The following LONP2 variants were observed in gnomAD, a reference collection of about 807,000 sequenced individuals.
LONP2 encodes the protein lon peptidase 2, peroxisomal.
A neutral mutation model predicts 85.6 loss-of-function variants in LONP2; 60 were observed. That is an observed-to-expected ratio of 0.70 (90% confidence interval 0.57 to 0.87). LONP2 has a LOEUF of 0.87. Ranked by LOEUF, LONP2 falls within the 40% of genes least tolerant of loss-of-function variation. The probability of loss-of-function intolerance (pLI) is 0.00; values close to 1 mark genes in which losing one functional copy is unlikely to be tolerated. For synonymous variants in LONP2, 395 were observed against 389.7 expected, an observed-to-expected ratio of 1.01 and a Z score of -0.16; for missense variants, 860 against 1,063.5, an observed-to-expected ratio of 0.81 and a Z score of 2.66.
chr16:48,337,903 T>G (rs1959702078), intron 12 of LONP2, among the ~76,000 whole-genome samples: 2 of 152,154 alleles, frequency 1.3e-5, no homozygotes, highest in Non-Finnish European at 1.5e-5. Flanking sequence ...AACCTCCACC[T>G]CCTGGGCTCC....
intron 11 of LONP2, among the ~76,000 whole-genome samples, chr16:48,306,421 A>G (rs776784417): frequency 2.0e-5 from 3 of 152,234 alleles, no homozygotes; most frequent in African/African-American, 4.8e-5. Context: ...TGTGAGAACT[A>G]CAGTTTTTCA....
rs1479207698 is a variant in LONP2, at chr16:48,296,085, T to G, written c.1454T>G (p.Val485Gly). ...YLNVAFDLSQVLFIATANTTA... is the reference protein window; with the variant it reads ...YLNVAFDLSQGLFIATANTTA... ...AATGTGGCCTTTGACCTTTCTCAAG[T>G]TCTTTTTATAGCTACTGCCAACACC... The change falls in exon 9 of 15, where the codon GTT (valine) becomes GGT (glycine). Residue 485 changes from valine (V) to glycine (G), a missense_variant. Coordinates refer to ENST00000285737, the MANE Select transcript of LONP2 (RefSeq NM_031490.5). The G allele has an allele frequency of 6.2e-7, 1 of 1,614,072 alleles. No individual in the cohort carries two copies. The highest frequency in any genetic ancestry group is 8.5e-7 in the Non-Finnish European group (1 of 1,180,028).
At chr16:48,342,545 C>T (rs1344520080) in intron 12 of LONP2, among the ~76,000 whole-genome samples, 1 of 152,214 alleles carries the variant, frequency 6.6e-6, no homozygotes, top group Non-Finnish European at 1.5e-5. Flanking sequence ...AAAGGCCCTA[C>T]TGGAAGGATT....
chr16:48,357,509 A>G (rs924724267), downstream of LONP2, among the ~76,000 whole-genome samples: 6 of 152,318 alleles, frequency 3.9e-5, no homozygotes, highest in South Asian at 6.2e-4. Flanking sequence ...CAAATACCAC[A>G]GTCCTGCGTG....
chr16:48,270,069 A>G lies in LONP2; in HGVS notation c.1036A>G (p.Met346Val), dbSNP rs1972070959. Residue 346 changes from methionine (M) to valine (V), a missense_variant, in exon 7 of 15, where the codon ATG becomes GTG. Met to Val is a conservative substitution (Grantham distance 21). This residue lies in a region of LONP2 where 743 missense variants were observed against 917.3 expected (regional missense o/e 0.81). Transcript: ENST00000285737. ...RILLDNDHYA[M>V]EKLKKRVLEY... Reference sequence around the variant, plus strand: ...TCTTCTGGATAATGACCATTACGCCATGGAAAAATTGAAGAAAAGAGTACT... The same window carrying G: ...TCTTCTGGATAATGACCATTACGCCGTGGAAAAATTGAAGAAAAGAGTACT... 1 of 1,614,046 alleles carries G rather than the reference A, an allele frequency of 6.2e-7. No homozygotes were observed. Among genetic ancestry groups the G allele is most frequent in the Non-Finnish European group, 8.5e-7 (1 of 1,179,958 alleles).
intron 11 of LONP2, among the ~76,000 whole-genome samples, chr16:48,327,914 G>T (rs1292725015): frequency 1.3e-5 from 2 of 152,142 alleles, no homozygotes; most frequent in African/African-American, 4.8e-5. Flanking sequence ...CATATTTAAT[G>T]TATGTGATTC....
chr16:48,295,612 G>A (rs1379641682), intron 8 of LONP2, among the ~76,000 whole-genome samples: 1 of 152,136 alleles, frequency 6.6e-6, no homozygotes, highest in East Asian at 1.9e-4. Flanking sequence ...CTGGTTCTTT[G>A]AGAATTTCAA....
In LONP2 at chr16:48,317,424, A is replaced by T. The variant is rs1278537900; in HGVS notation, c.1795+14119A>T. Among the ~76,000 whole-genome samples the T allele has an allele frequency of 3.3e-5, 5 of 152,218 alleles. No individual in the cohort carries two copies. In the East Asian group the frequency reaches 9.6e-4, roughly 29 times the overall value. On this transcript the variant is annotated intron_variant, in intron 11 of 14. Coordinates refer to ENST00000285737, the MANE Select transcript of LONP2 (RefSeq NM_031490.5). ...ACTCTGTCAATTCTGAATTATGGTG[A>T]TACTCAATTCTACCTCAAATCCCAA...
At chr16:48,303,045 T>C in intron 10 of LONP2, 127 bp from the exon 11 acceptor site, 1 of 898,184 alleles carries the variant, frequency 1.1e-6, no homozygotes, top group South Asian at 1.8e-5. Flanking sequence ...TGTGGAAAAG[T>C]TAGTACTCAA....
intron 10 of LONP2, among the ~76,000 whole-genome samples, chr16:48,302,431 A>C (rs925139524): frequency 1.3e-5 from 2 of 152,238 alleles, no homozygotes; most frequent in African/African-American, 4.8e-5. Context: ...TCTTCAGATA[A>C]AACTGCATTC....
chr16:48,313,953 A>G (rs557218689), intron 11 of LONP2, among the ~76,000 whole-genome samples: 167 of 152,188 alleles, frequency 1.1e-3, no homozygotes, highest in African/African-American at 3.7e-3. Flanking sequence ...ATTCTTCACA[A>G]CCTCGCCAGC....
chr16:48,264,712 C>T (rs988060160), intron 6 of LONP2, among the ~76,000 whole-genome samples: 7 of 152,066 alleles, frequency 4.6e-5, no homozygotes, highest in Non-Finnish European at 1.0e-4. Flanking sequence ...GAAATCTTTA[C>T]GATTTATGTT....
intron 13 of LONP2, 50 bp from the exon 14 acceptor site, chr16:48,348,050 G>T: frequency 1.3e-6 from 2 of 1,498,686 alleles, no homozygotes; most frequent in Non-Finnish European, 9.0e-7. Flanking sequence ...AGGAGAAAAA[G>T]AAAACAGGTT....
intron 8 of LONP2, among the ~76,000 whole-genome samples, chr16:48,281,020 G>C (rs1403892680): frequency 6.6e-6 from 1 of 152,084 alleles, no homozygotes; most frequent in Admixed American, 6.5e-5. Flanking sequence ...TGAGAGTTTG[G>C]AGACCCAAGT....
At chr16:48,342,510 C>G (rs189625764) in intron 12 of LONP2, among the ~76,000 whole-genome samples, 1 of 152,308 alleles carries the variant, frequency 6.6e-6, no homozygotes, top group African/African-American at 2.4e-5. Flanking sequence ...GTCCAAGGCC[C>G]CAACAGGAAT....
chr16:48,277,892 A>ATTTT (rs529245504), intron 8 of LONP2, among the ~76,000 whole-genome samples: 4 of 138,052 alleles, frequency 2.9e-5, no homozygotes, highest in Non-Finnish European at 6.3e-5. Flanking sequence ...GCACTTCCTG[A>ATTTT]TTTTTTTTTT....
intron 6 of LONP2, among the ~76,000 whole-genome samples, chr16:48,265,786 T>C (rs752079906): frequency 6.6e-6 from 1 of 152,228 alleles, no homozygotes; most frequent in Non-Finnish European, 1.5e-5. Context: ...AGGGATTACA[T>C]TGAACTTGTA....
chr16:48,259,343 C>T (rs1264902590), intron 4 of LONP2, among the ~76,000 whole-genome samples: 1 of 152,118 alleles, frequency 6.6e-6, no homozygotes, highest in African/African-American at 2.4e-5. Flanking sequence ...TTTTGTTTGA[C>T]TCAACACCAC....
intron 14 of LONP2, among the ~76,000 whole-genome samples, chr16:48,350,212 CCT>C (rs1184928943): frequency 2.0e-5 from 3 of 152,002 alleles, no homozygotes; most frequent in African/African-American, 7.2e-5. Flanking sequence ...ATGGTGAAAC[CCT>C]GTCTCTACTA....
Sources: gnomAD v4.1 joint callset for allele counts (sites outside exome capture counted in the v4.1 genomes callset) on GRCh38, gnomAD v4.1.1 for gene constraint, gnomAD v4.1.1 regional missense constraint, MANE v1.5 for transcripts, NCBI Gene and HGNC (gene_info 2026-07-23, HGNC 2026-07-21) for gene names.